HMCN2: variants seen among roughly 807,000 people sequenced by gnomAD.
The protein encoded by HMCN2 is hemicentin 2.
Under a neutral mutation model 377.5 loss-of-function variants are expected in HMCN2, and 325 were observed. The observed-to-expected ratio is 0.86, with a 90% confidence interval of 0.79 to 0.94. The LOEUF is 0.94. Ranked by LOEUF, HMCN2 falls within the 40% of genes least tolerant of loss-of-function variation. HMCN2 has a pLI of 0.00. For missense variants in HMCN2, 4,543 were observed against 4,725.3 expected, an observed-to-expected ratio of 0.96 and a Z score of 1.13; for synonymous variants, 2,007 against 2,046.8, an observed-to-expected ratio of 0.98 and a Z score of 0.53.
chr9:130,375,408 C>G (rs1401919633), intron 49 of HMCN2, among the ~76,000 whole-genome samples, 155 bp from the exon 50 acceptor site: 1 of 152,174 alleles, frequency 6.6e-6, no homozygotes. Context: ...GCCTGGCCAC[C>G]CCGGGCATGG....
intron 1 of HMCN2, among the ~76,000 whole-genome samples, chr9:130,282,845 A>G (rs1554926215): frequency 6.6e-6 from 1 of 152,074 alleles, no homozygotes; most frequent in East Asian, 1.9e-4. Flanking sequence ...CTGAGGTGGG[A>G]GCATCACTTG....
intron 1 of HMCN2, among the ~76,000 whole-genome samples, chr9:130,266,427 T>G (rs889225380): frequency 1.3e-5 from 2 of 152,030 alleles, no homozygotes; most frequent in Middle Eastern, 6.8e-3. Context: ...TTCCCGCGCC[T>G]TACCGGCCCC....
At chr9:130,280,150 GTT>G (rs1226580626) in intron 1 of HMCN2, among the ~76,000 whole-genome samples, 50 of 50,370 alleles carry the variant, frequency 9.9e-4, no homozygotes, top group South Asian at 5.3e-4. Context: ...GTGTGTGTGT[GTT>G]TTTTTTTTTT....
At position 130,418,855 on chromosome 9, in the gene HMCN2, G is replaced by A; in HGVS notation, c.13045G>A (p.Glu4349Lys). The change falls in exon 86 of 98, where the codon GAG becomes AAG. Residue 4349 changes from glutamate (E) to lysine (K), a missense_variant. Around this residue, in one of 5 missense-constraint regions of HMCN2, gnomAD observed 1,155 missense variants for 1,157.7 expected, o/e 1.00. Transcript: ENST00000683500. Reference protein sequence around the residue: ...DVALRCQATGEPTPTIEWLQA... With the variant: ...DVALRCQATGKPTPTIEWLQA... ...GGCCCTGCGGTGCCAGGCCACTGGA[G>A]AGCCCACACCCACCATTGAATGGCT... The A allele has an allele frequency of 6.5e-7, 1 of 1,548,164 alleles. No individual in the cohort carries two copies. Among genetic ancestry groups the A allele is most frequent in the Middle Eastern group, 1.7e-4 (1 of 5,986 alleles).
Position 130,347,813 on chromosome 9 carries a change from C to T in HMCN2, c.4024+453C>T, listed in dbSNP as rs779568310. ...GGAGAATTGCTTGAGCCCAGGAGAT[C>T]GAGACCAGTTTGGGAGAGAGAGACC... is the stretch of plus-strand genomic sequence containing the variant. On this transcript the variant is annotated intron_variant, in intron 26 of 97. Coordinates refer to ENST00000683500, the MANE Select transcript of HMCN2 (RefSeq NM_001291815.2). This position sits in a 1 kb window ranked among gnomAD's most constrained non-coding sequence, Gnocchi z 5.1. 3.3e-5 allele frequency among the ~76,000 whole-genome samples: 5 copies of T among 152,032 alleles called. No homozygotes were observed. Among genetic ancestry groups the T allele is most frequent in the Non-Finnish European group, 7.4e-5 (5 of 68,000 alleles).
chr9:130,378,217 C>T (rs759894063), intron 53 of HMCN2, among the ~76,000 whole-genome samples: 23 of 150,888 alleles, frequency 1.5e-4, no homozygotes, highest in Non-Finnish European at 2.4e-4. Context: ...CTCTTGCTTG[C>T]GTCAGTGTTT....
At position 130,398,562 on chromosome 9, in the gene HMCN2, A is replaced by ATCGCCCCCAGCCC. The variant is rs1329403033; in HGVS notation, c.11339_11351dup (p.Ser3785ArgfsTer26). The ATCGCCCCCAGCCC allele has an allele frequency of 8.0e-7, 1 of 1,245,936 alleles. No individual in the cohort carries two copies. Among genetic ancestry groups the ATCGCCCCCAGCCC allele is most frequent in the African/African-American group, 1.5e-5 (1 of 64,874 alleles). The allele number at this position is 1,245,936 out of a possible 1,614,324, so 77.2% of individuals were successfully genotyped here. A position where few individuals can be genotyped will look rare whatever the true frequency, so the allele number is the denominator to read the frequency against. On this transcript the variant is annotated frameshift_variant, in exon 75 of 98. Coordinates refer to ENST00000683500, the MANE Select transcript of HMCN2 (RefSeq NM_001291815.2). LOFTEE classifies it high-confidence loss of function. ...TGTGCTCTCCCCAGAGCCTCCAGCC[A>ATCGCCCCCAGCCC]TCGCCCCCAGCCCCTCCAACCTGAC... is the stretch of plus-strand genomic sequence containing the variant.
chr9:130,355,118 G>A (rs955318282), intron 32 of HMCN2, 74 bp downstream of exon 32: 17 of 1,161,702 alleles, frequency 1.5e-5, no homozygotes, highest in East Asian at 1.2e-4. Context: ...TGCTTGTCCC[G>A]AGAGAGCTCC....
At chr9:130,377,506 G>A (rs1841455482) in intron 52 of HMCN2, 143 bp from the exon 53 acceptor site, 1 of 258,430 alleles carries the variant, frequency 3.9e-6, no homozygotes, top group African/African-American at 2.3e-5. Context: ...CTATGGATTT[G>A]GTTTTATAAA....
At chr9:130,327,123 G>A (rs1330626141) in intron 21 of HMCN2, among the ~76,000 whole-genome samples, 187 bp from the exon 22 acceptor site, 10 of 152,006 alleles carry the variant, frequency 6.6e-5, no homozygotes, top group African/African-American at 2.4e-4. Context: ...GAAAACCCTG[G>A]GACCTGAGTC....
At chr9:130,417,591 G>A (rs950618620) in intron 85 of HMCN2, among the ~76,000 whole-genome samples, 3 of 151,766 alleles carry the variant, frequency 2.0e-5, no homozygotes, top group Non-Finnish European at 4.4e-5. Flanking sequence ...GGGAGAGAGA[G>A]AGAGAAGAGA....
At position 130,425,038 on chromosome 9, in the gene HMCN2, C is replaced by G. The variant is rs758289772; in HGVS notation, c.13549C>G (p.Arg4517Gly). The G allele has an allele frequency of 4.5e-6, 7 of 1,549,692 alleles. No individual in the cohort carries two copies. The South Asian group carries it at 8.3e-5, about 18-fold the overall frequency. The change falls in exon 89 of 98, where the codon CGG (arginine) becomes GGG (glycine). Residue 4517 changes from arginine to glycine, a missense_variant. Around this residue, in one of 5 missense-constraint regions of HMCN2, gnomAD observed 1,155 missense variants for 1,157.7 expected, o/e 1.00. Transcript: ENST00000683500. ...GCTGCTCACGATGACCCAGGTGGCCCGGGGTCTGGATCCCGATGGCCTCCT... is the reference window on the plus strand; with the variant it reads ...GCTGCTCACGATGACCCAGGTGGCCGGGGGTCTGGATCCCGATGGCCTCCT... Reference protein sequence around the residue: ...GELLTMTQVARGLDPDGLLLL... With the variant: ...GELLTMTQVAGGLDPDGLLLL...
intron 1 of HMCN2, among the ~76,000 whole-genome samples, chr9:130,284,055 C>T (rs1835285800): frequency 1.3e-5 from 2 of 152,194 alleles, no homozygotes. Context: ...TCCAGTTGCT[C>T]CACATCCTTG....
chr9:130,418,603 T>A lies in HMCN2; in HGVS notation c.12962-169T>A, dbSNP rs534918254. Among the ~76,000 whole-genome samples the A allele has an allele frequency of 3.3e-5, 5 of 152,230 alleles. No homozygotes were observed. The South Asian group carries it at 1.0e-3, about 32-fold the overall frequency. ...TGATCATATTTTCATAAAGAAACAGTGTCTAGAGGGAAATATTCAGGAACG... is the reference window on the plus strand; with the variant it reads ...TGATCATATTTTCATAAAGAAACAGAGTCTAGAGGGAAATATTCAGGAACG... On this transcript the variant is annotated intron_variant, in intron 85 of 97. Coordinates refer to ENST00000683500, the MANE Select transcript of HMCN2 (RefSeq NM_001291815.2).
chr9:130,297,210 A>G (rs1468845481), intron 7 of HMCN2, among the ~76,000 whole-genome samples: 1 of 152,232 alleles, frequency 6.6e-6, no homozygotes, highest in African/African-American at 2.4e-5. Context: ...CAGTGAGTTG[A>G]TGGCTTACCA....
Position 130,403,288 on chromosome 9 carries a change from G to A in HMCN2, c.11973G>A (p.Pro3991=), listed in dbSNP as rs1026701379. ...GCGAGGCCTCAGGCATCCCCCGGCC[G>A]ACCATCACCTGGCAGAAGGAAGGGC... ...LPCEASGIPR[P]TITWQKEGLN... is the part of the protein sequence containing the mutation. Residue 3991 remains proline (P), a synonymous_variant, in exon 79 of 98, where the codon CCG becomes CCA. Transcript: ENST00000683500. 1.7e-5 allele frequency: 22 copies of A among 1,289,734 alleles called. No homozygotes were observed. Among genetic ancestry groups the A allele is most frequent in the Non-Finnish European group, 2.1e-5 (21 of 988,878 alleles). The allele number at this position is 1,289,734 out of a possible 1,614,324, so 79.9% of individuals were successfully genotyped here. A position where few individuals can be genotyped will look rare whatever the true frequency, so the allele number is the denominator to read the frequency against.
chr9:130,301,648 C>T (rs1028203615), intron 8 of HMCN2, among the ~76,000 whole-genome samples: 8 of 152,240 alleles, frequency 5.3e-5, no homozygotes, highest in Non-Finnish European at 5.9e-5. Flanking sequence ...CCTCCCCCCC[C>T]GGGACAGATG....
intron 39 of HMCN2, 57 bp downstream of exon 39, chr9:130,362,222 G>A: frequency 2.0e-6 from 2 of 977,040 alleles, no homozygotes; most frequent in South Asian, 9.5e-5. Flanking sequence ...TAGATGCTGG[G>A]AACAGAGGTC....
intron 92 of HMCN2, 29 bp downstream of exon 92, chr9:130,427,648 G>A (rs1017050392): frequency 5.6e-5 from 87 of 1,542,348 alleles, no homozygotes; most frequent in Non-Finnish European, 6.9e-5. Flanking sequence ...GGAGGGAGGA[G>A]ACGCGCTCCT....
Sources: gnomAD v4.1 joint callset for allele counts (sites outside exome capture counted in the v4.1 genomes callset) on GRCh38, gnomAD v4.1.1 for gene constraint, gnomAD v4.1.1 regional missense constraint, Gnocchi (gnomAD v3.1) non-coding constraint, MANE v1.5 for transcripts, NCBI Gene and HGNC (gene_info 2026-07-23, HGNC 2026-07-21) for gene names.